Variants in EPHA6 observed in about 807,000 individuals in gnomAD.
The protein encoded by EPHA6 is EPH receptor A6.
EPHA6 carries 50 observed loss-of-function variants against 112.0 expected under a neutral mutation model. The observed-to-expected ratio is 0.45, with a 90% CI of 0.36 to 0.56. The LOEUF (loss-of-function observed/expected upper bound fraction) is 0.56, where lower values mean the gene tolerates loss of function less well. EPHA6 is among the 20% of genes least tolerant of loss of function. The pLI, the probability that EPHA6 is intolerant of heterozygous loss-of-function variation, is 0.00. For missense variants in EPHA6, 1,280 were observed against 1,417.4 expected (o/e 0.90, Z 1.56); for synonymous variants, 529 against 490.7 (o/e 1.08, Z -1.03).
chr3:97,374,632 T>A (rs1478598941), intron 5 of EPHA6, among the ~76,000 whole-genome samples: 1 of 152,068 alleles, frequency 6.6e-6, no homozygotes, highest in Non-Finnish European at 1.5e-5. Context: ...ACTCAATAGG[T>A]AGTTTTTCAA....
intron 4 of EPHA6, among the ~76,000 whole-genome samples, chr3:97,234,349 C>T (rs2078620018): frequency 6.6e-6 from 1 of 152,056 alleles, no homozygotes; most frequent in Non-Finnish European, 1.5e-5. Flanking sequence ...TTTTTCTCTT[C>T]TCTAAAACAA....
intron 5 of EPHA6, among the ~76,000 whole-genome samples, chr3:97,281,623 A>C (rs2080289955): frequency 1.3e-5 from 2 of 152,140 alleles, no homozygotes; most frequent in Non-Finnish European, 2.9e-5. Context: ...ATCACACATG[A>C]AATCAACTGA....
At chr3:97,402,019 CACTT>C (rs995475819) in intron 5 of EPHA6, among the ~76,000 whole-genome samples, 5 of 152,036 alleles carry the variant, frequency 3.3e-5, no homozygotes, top group African/African-American at 1.2e-4. Flanking sequence ...TCGGAAAAGA[CACTT>C]AATATTATTT....
At chr3:97,019,501 T>C (rs917699852) in intron 3 of EPHA6, among the ~76,000 whole-genome samples, 3 of 152,168 alleles carry the variant, frequency 2.0e-5, no homozygotes, top group Admixed American at 6.5e-5. Context: ...CCAGCTATGT[T>C]TTCTCAACAC....
intron 12 of EPHA6, among the ~76,000 whole-genome samples, chr3:97,596,320 G>A (rs1030354432): frequency 4.6e-5 from 7 of 152,038 alleles, no homozygotes; most frequent in Non-Finnish European, 1.0e-4. Flanking sequence ...TTTTTTATAT[G>A]CCATAGAGTA....
chr3:97,621,063 C>A (rs967236920), intron 13 of EPHA6, among the ~76,000 whole-genome samples: 2 of 151,986 alleles, frequency 1.3e-5, no homozygotes, highest in Non-Finnish European at 2.9e-5. Context: ...TACATATACA[C>A]CATGGAATAC....
intron 3 of EPHA6, among the ~76,000 whole-genome samples, chr3:96,999,993 T>C (rs2043580534): frequency 4.0e-5 from 6 of 151,860 alleles, no homozygotes; most frequent in Admixed American, 3.9e-4. Flanking sequence ...CAGCTAATTA[T>C]TGACTGAACC....
intron 1 of EPHA6, among the ~76,000 whole-genome samples, chr3:96,827,243 G>A (rs959841252): frequency 6.6e-6 from 1 of 152,254 alleles, no homozygotes; most frequent in Middle Eastern, 3.4e-3. Context: ...AGTGGGAAAA[G>A]CTAGAAAGCA....
chr3:96,972,949 C>A (rs1403235309), intron 2 of EPHA6, among the ~76,000 whole-genome samples: 1 of 151,980 alleles, frequency 6.6e-6, no homozygotes, highest in Admixed American at 6.6e-5. Flanking sequence ...TGTATGTGTC[C>A]ATTTGCCAGC....
At chr3:97,180,056 A>G (rs2076946337) in intron 3 of EPHA6, among the ~76,000 whole-genome samples, 1 of 152,050 alleles carries the variant, frequency 6.6e-6, no homozygotes, top group African/African-American at 2.4e-5. Flanking sequence ...AAACCTAAGA[A>G]GTCTACTTGG....
intron 3 of EPHA6, among the ~76,000 whole-genome samples, chr3:97,179,221 T>G (rs1332532483): frequency 1.3e-5 from 2 of 152,198 alleles, no homozygotes; most frequent in Non-Finnish European, 2.9e-5. Flanking sequence ...TCTGCTTGAT[T>G]TTTTAATTAT....
At chr3:96,892,760 A>T (rs2038038651) in intron 2 of EPHA6, among the ~76,000 whole-genome samples, 2 of 152,144 alleles carry the variant, frequency 1.3e-5, no homozygotes, top group Admixed American at 1.3e-4. Flanking sequence ...ATGGGATGAG[A>T]TAAAGTTTGA....
chr3:97,666,036 G>A (rs1198038136), intron 14 of EPHA6, among the ~76,000 whole-genome samples: 1 of 149,020 alleles, frequency 6.7e-6, no homozygotes. Context: ...CAGCTGGGGA[G>A]ACAGTGTGAG....
At chr3:97,084,115 T>TGG (rs1553700767) in intron 3 of EPHA6, among the ~76,000 whole-genome samples, 1 of 126,412 alleles carries the variant, frequency 7.9e-6, no homozygotes, top group Non-Finnish European at 1.6e-5. Context: ...TATATATATA[T>TGG]ATATATATGG....
At position 96,871,509 on chromosome 3, in the gene EPHA6, A is replaced by AT. The variant is rs550031346; in HGVS notation, c.450+4629dup. On this transcript the variant is annotated intron_variant, in intron 2 of 17. Coordinates refer to ENST00000389672, the MANE Select transcript of EPHA6 (RefSeq NM_001080448.3). ...AATCATGTTTTATCATGTATCAAAT[A>AT]TTTTTTTTTCTGAACCACAATTATA... Among the ~76,000 whole-genome samples, 8 of 151,350 alleles carry AT rather than the reference A, an allele frequency of 5.3e-5. No individual in the cohort carries two copies. In the South Asian group the frequency reaches 6.3e-4, roughly 12 times the overall value.
At chr3:97,332,131 A>G (rs1250872592) in intron 5 of EPHA6, among the ~76,000 whole-genome samples, 3 of 152,208 alleles carry the variant, frequency 2.0e-5, no homozygotes, top group Admixed American at 2.0e-4. Context: ...GTAATCCAGC[A>G]TATAAACAGA....
intron 3 of EPHA6, among the ~76,000 whole-genome samples, chr3:97,125,622 T>C (rs1300565209): frequency 6.6e-6 from 1 of 152,206 alleles, no homozygotes; most frequent in Non-Finnish European, 1.5e-5. Context: ...TAGAATATAG[T>C]TACCAGGTTA....
chr3:97,208,377 A>C (rs1172607331), intron 3 of EPHA6, among the ~76,000 whole-genome samples: 1 of 152,148 alleles, frequency 6.6e-6, no homozygotes, highest in Non-Finnish European at 1.5e-5. Context: ...ATAAAACCCT[A>C]ATTGCAATAA....
At chr3:96,922,215 G>T (rs1285928714) in intron 2 of EPHA6, among the ~76,000 whole-genome samples, 1 of 152,180 alleles carries the variant, frequency 6.6e-6, no homozygotes, top group East Asian at 1.9e-4. Context: ...TCCAGTTGAT[G>T]AGAGACAGCA....
Sources: gnomAD v4.1 joint callset for allele counts (sites outside exome capture counted in the v4.1 genomes callset) on GRCh38, gnomAD v4.1.1 for gene constraint, MANE v1.5 for transcripts, NCBI Gene and HGNC (gene_info 2026-07-23, HGNC 2026-07-21) for gene names.